Variants in DIAPH3 observed in about 807,000 individuals in gnomAD.
DIAPH3 encodes diaphanous related formin 3.
In DIAPH3, 117 loss-of-function variants were observed where a neutral mutation model predicts 144.3. That is an observed-to-expected ratio of 0.81 (90% CI 0.70 to 0.95). DIAPH3 has a LOEUF of 0.95. Ranked by LOEUF, DIAPH3 falls within the 40% of genes least tolerant of loss-of-function variation. The pLI is 0.00. For synonymous variants in DIAPH3, 519 were observed against 488.9 expected, an observed-to-expected ratio of 1.06 and a Z score of -0.81; for missense variants, 1,421 against 1,412.7, an observed-to-expected ratio of 1.01 and a Z score of -0.09.
intron 3 of DIAPH3, among the ~76,000 whole-genome samples, chr13:60,095,157 G>C (rs1183555228): frequency 4.6e-5 from 7 of 152,114 alleles, no homozygotes; most frequent in Non-Finnish European, 8.8e-5. Flanking sequence ...CTAAAAAAGA[G>C]AGAGAGAAAG....
intron 27 of DIAPH3, among the ~76,000 whole-genome samples, chr13:59,730,052 A>G (rs575975613): frequency 2.0e-5 from 3 of 152,226 alleles, no homozygotes; most frequent in African/African-American, 7.2e-5. Context: ...GTTGAAAGCT[A>G]TTACAGTATT....
chr13:60,095,119 C>T (rs929326819), intron 3 of DIAPH3, among the ~76,000 whole-genome samples: 1 of 152,030 alleles, frequency 6.6e-6, no homozygotes, highest in African/African-American at 2.4e-5. Flanking sequence ...TAAAAACTAC[C>T]TTGTGCCCCA....
chr13:59,801,476 A>G (rs1452944871), intron 25 of DIAPH3, among the ~76,000 whole-genome samples: 1 of 152,224 alleles, frequency 6.6e-6, no homozygotes, highest in Non-Finnish European at 1.5e-5. Context: ...TAGCACTAAT[A>G]GTTTAAAAAT....
At position 59,958,847 on chromosome 13, in the gene DIAPH3, T is replaced by C. The variant is rs142730452; in HGVS notation, c.2074+11097A>G. ...AAACATATGTTAATGTGACTTGATA[T>C]AGATCTAAACTTCAATAAACTTTTT... is the stretch of plus-strand genomic sequence containing the variant. On this transcript the variant is annotated intron_variant, in intron 17 of 27. Coordinates refer to ENST00000400324, the MANE Select transcript of DIAPH3 (RefSeq NM_001042517.2). Among the ~76,000 whole-genome samples, 529 of 149,760 alleles carry C rather than the reference T, an allele frequency of 3.5e-3. 3 individuals carry two copies. Among genetic ancestry groups the C allele is most frequent in the African/African-American group, 0.012 (504 of 40,962 alleles).
At chr13:60,161,923 T>C (rs1245369403) in intron 1 of DIAPH3, among the ~76,000 whole-genome samples, 1 of 152,146 alleles carries the variant, frequency 6.6e-6, no homozygotes, top group Non-Finnish European at 1.5e-5. Flanking sequence ...ATAACAAAAT[T>C]AATGAACTGG....
At chr13:59,987,300 G>A (rs1232922661) in intron 12 of DIAPH3, among the ~76,000 whole-genome samples, 2 of 143,728 alleles carry the variant, frequency 1.4e-5, no homozygotes, top group African/African-American at 2.5e-5. Context: ...ACATGAAGGG[G>A]AATATCACAC....
chr13:59,992,042 G>T, intron 11 of DIAPH3, 26 bp downstream of exon 11: 3 of 1,562,922 alleles, frequency 1.9e-6, no homozygotes, highest in South Asian at 2.2e-5. Context: ...TATATGATTT[G>T]ACTAGACTTC....
intron 2 of DIAPH3, 51 bp from the exon 3 acceptor site, chr13:60,112,237 T>C (rs533405253): frequency 1.9e-6 from 3 of 1,603,858 alleles, no homozygotes; most frequent in Non-Finnish European, 1.7e-6. Context: ...TTTCCCAACA[T>C]TTATCTCATC....
chr13:59,803,129 T>C (rs1424904928), intron 25 of DIAPH3, among the ~76,000 whole-genome samples: 8 of 152,212 alleles, frequency 5.3e-5, no homozygotes, highest in Non-Finnish European at 8.8e-5. Context: ...AATGCTGTGA[T>C]TGAGTTCTCA....
chr13:60,039,115 A>G (rs1322772416), intron 5 of DIAPH3, among the ~76,000 whole-genome samples: 1 of 151,992 alleles, frequency 6.6e-6, no homozygotes, highest in African/African-American at 2.4e-5. Context: ...ATCTTCATAA[A>G]GCAAGGCAAA....
At chr13:59,939,044 TG>T (rs1267532577) in intron 17 of DIAPH3, among the ~76,000 whole-genome samples, 3 of 152,182 alleles carry the variant, frequency 2.0e-5, no homozygotes, top group African/African-American at 7.2e-5. Flanking sequence ...TTTGACCTCT[TG>T]ATTTGAAAAT....
At chr13:59,885,564 A>C (rs892684226) in intron 20 of DIAPH3, among the ~76,000 whole-genome samples, 1 of 151,438 alleles carries the variant, frequency 6.6e-6, no homozygotes, top group Admixed American at 6.6e-5. Context: ...TTGTGTATCT[A>C]CTTTCCTGCT....
chr13:59,764,368 A>G (rs959662679), intron 27 of DIAPH3, among the ~76,000 whole-genome samples: 4 of 151,524 alleles, frequency 2.6e-5, no homozygotes, highest in African/African-American at 7.3e-5. Flanking sequence ...TCTATGGCTC[A>G]CTAGTTCTGT....
Position 59,971,174 on chromosome 13 carries a change from C to CA in DIAPH3, c.1651-15dup, listed in dbSNP as rs751657567. On this transcript the variant is annotated splice_polypyrimidine_tract_variant and intron_variant, in intron 15 of 27. Transcript: ENST00000400324. ...CAAGGCACCAAACTGGAGAAAAAAA[C>CA]AATAAGAGACATAACTAAGAACATA... 25 of 1,555,914 alleles carry CA rather than the reference C, an allele frequency of 1.6e-5. No individual in the cohort carries two copies. Among genetic ancestry groups the CA allele is most frequent in the Non-Finnish European group, 2.1e-5 (24 of 1,149,210 alleles).
At chr13:59,870,909 A>T (rs575361652) in intron 21 of DIAPH3, among the ~76,000 whole-genome samples, 9 of 152,200 alleles carry the variant, frequency 5.9e-5, no homozygotes, top group African/African-American at 1.9e-4. Context: ...ACCTCAGGTG[A>T]TCTGCCCGCC....
At chr13:60,014,340 T>C (rs1159809544) in intron 7 of DIAPH3, among the ~76,000 whole-genome samples, 9 of 152,150 alleles carry the variant, frequency 5.9e-5, no homozygotes, top group East Asian at 1.9e-4. Context: ...AAAACAGATA[T>C]GTAAAAAGCT....
At chr13:60,033,283 C>T (rs1277118276) in intron 5 of DIAPH3, among the ~76,000 whole-genome samples, 2 of 152,184 alleles carry the variant, frequency 1.3e-5, no homozygotes, top group African/African-American at 2.4e-5. Context: ...TCACCCAGTA[C>T]CAAAGTTCCT....
chr13:59,888,957 C>A lies in DIAPH3; in HGVS notation c.2368-9489G>T, dbSNP rs76802744. On this transcript the variant is annotated intron_variant, in intron 20 of 27. Coordinates refer to ENST00000400324, the MANE Select transcript of DIAPH3 (RefSeq NM_001042517.2). Reference sequence around the variant, plus strand: ...CTGCTGTCTATTACTTCTATGAAGCCAGCAAAATCTTTTATCTTTGTTTTC... The same window carrying A: ...CTGCTGTCTATTACTTCTATGAAGCAAGCAAAATCTTTTATCTTTGTTTTC... Among the ~76,000 whole-genome samples the A allele has an allele frequency of 3.4e-3, 515 of 152,082 alleles. 3 individuals are homozygous for A. The highest frequency in any genetic ancestry group is 0.012 in the African/African-American group (491 of 41,510).
chr13:60,132,851 A>T, intron 2 of DIAPH3, 106 bp downstream of exon 2: 4 of 917,812 alleles, frequency 4.4e-6, no homozygotes, highest in Non-Finnish European at 7.1e-6. Context: ...GTACGTTTCC[A>T]ATATATGTGA....
Sources: gnomAD v4.1 joint callset for allele counts (sites outside exome capture counted in the v4.1 genomes callset) on GRCh38, gnomAD v4.1.1 for gene constraint, MANE v1.5 for transcripts, NCBI Gene and HGNC (gene_info 2026-07-23, HGNC 2026-07-21) for gene names.